Variants in GALNTL6 observed in about 807,000 individuals in gnomAD.
The protein encoded by GALNTL6 is polypeptide N-acetylgalactosaminyltransferase-like 6.
A neutral mutation model predicts 73.7 loss-of-function variants in GALNTL6; 46 were observed. The ratio of observed to expected loss-of-function variants is 0.62; its 90% CI spans 0.49 to 0.80. The LOEUF (loss-of-function observed/expected upper bound fraction) is 0.80. GALNTL6 is among the 30% of genes least tolerant of loss of function. The pLI, the probability that GALNTL6 is intolerant of heterozygous loss-of-function variation, is 0.00. For missense variants in GALNTL6, 604 were observed against 755.0 expected, an observed-to-expected ratio of 0.80 and a Z score of 2.34; for synonymous variants, 259 against 263.7, an observed-to-expected ratio of 0.98 and a Z score of 0.17.
intron 2 of GALNTL6, among the ~76,000 whole-genome samples, chr4:171,823,567 A>G (rs1046999363): frequency 4.5e-5 from 5 of 112,180 alleles, no homozygotes; most frequent in African/African-American, 1.4e-4. Context: ...ATATATATAT[A>G]TGTATATATA....
chr4:172,709,365 C>A (rs1259739712), intron 5 of GALNTL6, among the ~76,000 whole-genome samples: 1 of 152,138 alleles, frequency 6.6e-6, no homozygotes, highest in Non-Finnish European at 1.5e-5. Context: ...TGCATTTTAG[C>A]CAGTTGAAAA....
At chr4:172,668,153 C>T (rs1216901903) in intron 5 of GALNTL6, 1 of 152,116 alleles carries the variant, frequency 6.6e-6, no homozygotes, top group Non-Finnish European at 1.5e-5. Context: ...AAATGTGTTG[C>T]TCTTGAGTAT....
At chr4:172,725,277 A>G (rs1735728794) in intron 5 of GALNTL6, among the ~76,000 whole-genome samples, 1 of 152,208 alleles carries the variant, frequency 6.6e-6, no homozygotes, top group African/African-American at 2.4e-5. Context: ...TGAATATTAC[A>G]TAGTCCTAGT....
intron 2 of GALNTL6, among the ~76,000 whole-genome samples, chr4:171,962,765 C>CTTT (rs139917729): frequency 0.024 from 2,687 of 113,764 alleles, 219 homozygotes; most frequent in Middle Eastern, 0.051. Flanking sequence ...CTTGCTTTTA[C>CTTT]TTTTTTTTTT....
intron 2 of GALNTL6, among the ~76,000 whole-genome samples, chr4:171,889,331 T>G (rs2110923732): frequency 6.6e-6 from 1 of 152,210 alleles, no homozygotes; most frequent in African/African-American, 2.4e-5. Flanking sequence ...TAGTAAGCAT[T>G]GCTTCAGTCT....
At chr4:172,240,500 G>T (rs1347783356) in intron 3 of GALNTL6, among the ~76,000 whole-genome samples, 1 of 152,020 alleles carries the variant, frequency 6.6e-6, no homozygotes, top group Non-Finnish European at 1.5e-5. Flanking sequence ...CAAAGTGCTG[G>T]GATTACAGGC....
At chr4:171,969,501 A>G (rs1739496488) in intron 2 of GALNTL6, among the ~76,000 whole-genome samples, 1 of 152,200 alleles carries the variant, frequency 6.6e-6, no homozygotes, top group African/African-American at 2.4e-5. Flanking sequence ...GAGGTATTTC[A>G]CCAATTTATT....
chr4:172,351,196 T>TATC (rs1561040561), intron 5 of GALNTL6, among the ~76,000 whole-genome samples: 2 of 150,370 alleles, frequency 1.3e-5, no homozygotes, highest in East Asian at 3.9e-4. Context: ...TCTATCTATC[T>TATC]ATCTATCTAT....
intron 5 of GALNTL6, among the ~76,000 whole-genome samples, chr4:172,465,716 G>A (rs769739862): frequency 6.6e-6 from 1 of 152,016 alleles, no homozygotes; most frequent in Non-Finnish European, 1.5e-5. Context: ...TACATACCTG[G>A]TCTTTGTTAT....
intron 2 of GALNTL6, among the ~76,000 whole-genome samples, chr4:171,828,730 C>T (rs1384262983): frequency 6.6e-6 from 1 of 152,126 alleles, no homozygotes; most frequent in Non-Finnish European, 1.5e-5. Context: ...TCAAACGATT[C>T]TCCGGCCTCA....
chr4:172,836,473 A>C (rs1016613526), intron 7 of GALNTL6, among the ~76,000 whole-genome samples: 4 of 152,212 alleles, frequency 2.6e-5, no homozygotes, highest in Non-Finnish European at 5.9e-5. Flanking sequence ...CTGTGTTTGG[A>C]GATGACTCCC....
intron 2 of GALNTL6, among the ~76,000 whole-genome samples, chr4:172,176,791 G>T (rs1352401251): frequency 6.6e-6 from 1 of 152,020 alleles, no homozygotes. Flanking sequence ...CCTATCTCTA[G>T]AAAAATAGAA....
chr4:172,595,089 TC>T (rs539128322), intron 5 of GALNTL6, among the ~76,000 whole-genome samples: 39 of 152,190 alleles, frequency 2.6e-4, no homozygotes, highest in Non-Finnish European at 5.1e-4. Flanking sequence ...AGTGCACTAA[TC>T]CCATTCATGA....
At chr4:172,263,883 G>A (rs77946488) in intron 3 of GALNTL6, among the ~76,000 whole-genome samples, 2,627 of 151,632 alleles carry the variant, frequency 0.017, 80 homozygotes, top group African/African-American at 0.06. Flanking sequence ...GGTTCTTCAT[G>A]TATTTTGTAG....
chr4:171,862,116 T>G (rs556293209), intron 2 of GALNTL6, among the ~76,000 whole-genome samples: 1 of 152,258 alleles, frequency 6.6e-6, no homozygotes, highest in Admixed American at 6.5e-5. Context: ...TCAACCTAGA[T>G]TTTTCCATTG....
intron 10 of GALNTL6, among the ~76,000 whole-genome samples, chr4:172,965,135 G>T (rs1055537601): frequency 2.6e-5 from 4 of 152,134 alleles, no homozygotes; most frequent in African/African-American, 9.7e-5. Context: ...GGCAGTGCTG[G>T]TACACTATGC....
At chr4:172,151,226 A>C (rs1380128544) in intron 2 of GALNTL6, among the ~76,000 whole-genome samples, 1 of 152,212 alleles carries the variant, frequency 6.6e-6, no homozygotes, top group Non-Finnish European at 1.5e-5. Context: ...AAGTCATGAA[A>C]AAGAAAATAT....
chr4:172,193,902 C>T (rs1165172381), intron 2 of GALNTL6, among the ~76,000 whole-genome samples: 2 of 151,898 alleles, frequency 1.3e-5, no homozygotes, highest in Non-Finnish European at 2.9e-5. Context: ...AAAAAAATGC[C>T]AAAAACTCAA....
At chr4:172,606,676 CTAT>C (rs796318418) in intron 5 of GALNTL6, among the ~76,000 whole-genome samples, 26 of 43,728 alleles carry the variant, frequency 5.9e-4, no homozygotes, top group Admixed American at 4.3e-3. Flanking sequence ...TATATATATA[CTAT>C]ATATATAGTA....
Sources: gnomAD v4.1 joint callset for allele counts (sites outside exome capture counted in the v4.1 genomes callset) on GRCh38, gnomAD v4.1.1 for gene constraint, MANE v1.5 for transcripts, NCBI Gene and HGNC (gene_info 2026-07-23, HGNC 2026-07-21) for gene names.